The following C19orf18 variants were observed in gnomAD, a reference collection of about 807,000 sequenced individuals.
The protein encoded by C19orf18 is uncharacterized protein C19orf18.
C19orf18 carries 21 observed loss-of-function variants against 23.3 expected under a neutral mutation model. The ratio of observed to expected loss-of-function variants is 0.90; its 90% CI spans 0.64 to 1.30. The LOEUF (loss-of-function observed/expected upper bound fraction) is 1.30, where lower values mean the gene tolerates loss of function less well. Ranked by LOEUF, C19orf18 falls within the 50% of genes most tolerant of loss-of-function variation. The probability of loss-of-function intolerance (pLI) is 0.00; values close to 1 mark genes in which losing one functional copy is unlikely to be tolerated. For missense variants in C19orf18, 249 were observed against 259.6 expected (o/e 0.96, Z 0.28); for synonymous variants, 96 against 95.2 (o/e 1.01, Z -0.05).
chr19:57,963,859 C>T (rs547980361), intron 4 of C19orf18, among the ~76,000 whole-genome samples: 4 of 152,230 alleles, frequency 2.6e-5, no homozygotes, highest in Non-Finnish European at 5.9e-5. Flanking sequence ...CACTGCACTC[C>T]AGCCTGGGCA....
chr19:57,971,767 G>A (rs771076062), intron 3 of C19orf18, among the ~76,000 whole-genome samples: 7 of 152,040 alleles, frequency 4.6e-5, no homozygotes, highest in African/African-American at 9.7e-5. Flanking sequence ...CACCGCACCC[G>A]GCCCAGAATA....
At chr19:57,962,031 T>C (rs1248903508) in intron 4 of C19orf18, among the ~76,000 whole-genome samples, 1 of 150,920 alleles carries the variant, frequency 6.6e-6, no homozygotes, top group African/African-American at 2.4e-5. Flanking sequence ...TCTCTTTCTC[T>C]CTCTCTTTCT....
chr19:57,962,674 G>T (rs1358005572), intron 4 of C19orf18, among the ~76,000 whole-genome samples: 1 of 152,094 alleles, frequency 6.6e-6, no homozygotes, highest in African/African-American at 2.4e-5. Flanking sequence ...TGACCAACAT[G>T]GAGAAACCCC....
chr19:57,973,955 T>C lies in C19orf18; in HGVS notation c.226+144A>G, dbSNP rs2072965128. The C allele has an allele frequency of 3.9e-6, 3 of 768,036 alleles. No individual in the cohort carries two copies. In the Admixed American group the frequency reaches 8.7e-5, roughly 22 times the overall value. The allele number at this position is 768,036 out of a possible 1,614,324, so 47.6% of individuals were successfully genotyped here. A position where few individuals can be genotyped will look rare whatever the true frequency, so the allele number is the denominator to read the frequency against. On this transcript the variant is annotated intron_variant, in intron 2 of 5. Transcript: ENST00000314391. Reference sequence around the variant, plus strand: ...AACAGAGAGTGAAGAGCATAAGATCTAATTTCCAAGCAAATGTTTATCTAA... The same window carrying C: ...AACAGAGAGTGAAGAGCATAAGATCCAATTTCCAAGCAAATGTTTATCTAA...
chr19:57,966,308 A>T (rs534821373), intron 4 of C19orf18, among the ~76,000 whole-genome samples: 140 of 152,202 alleles, frequency 9.2e-4, no homozygotes, highest in African/African-American at 3.1e-3. Context: ...ATTCTGCTGA[A>T]TTGTATTCTG....
At chr19:57,962,028 C>A in intron 4 of C19orf18, among the ~76,000 whole-genome samples, 1 of 147,866 alleles carries the variant, frequency 6.8e-6, no homozygotes, top group Non-Finnish European at 1.5e-5. Flanking sequence ...CTTTCTCTTT[C>A]TCTCTCTCTT....
rs560735452 is a variant in C19orf18, at chr19:57,974,195, G to A, written c.130C>T (p.Arg44Trp). 1.1e-5 allele frequency: 17 copies of A among 1,613,938 alleles called. No individual in the cohort carries two copies. In the African/African-American group the frequency reaches 1.3e-4, roughly 13 times the overall value. The change falls in exon 2 of 6, where the codon CGG becomes TGG. Residue 44 changes from arginine (R) to tryptophan (W), a missense_variant. By Grantham distance (101) the Arg-to-Trp change is moderately radical (BLOSUM62 -3). Coordinates refer to ENST00000314391, the MANE Select transcript of C19orf18 (RefSeq NM_152474.5). ...GNITGLPGSKRSQPPRNITKE... is the reference protein window; with the variant it reads ...GNITGLPGSKWSQPPRNITKE... Reference sequence around the variant, plus strand: ...GTGATGTTTCTGGGTGGTTGTGACCGTTTACTGCCTTGAAAAGAAAACTTT... The same window carrying A: ...GTGATGTTTCTGGGTGGTTGTGACCATTTACTGCCTTGAAAAGAAAACTTT...
intron 5 of C19orf18, among the ~76,000 whole-genome samples, chr19:57,959,401 T>C (rs1271644156): frequency 6.6e-6 from 1 of 152,004 alleles, no homozygotes; most frequent in Non-Finnish European, 1.5e-5. Flanking sequence ...ACAGGGCGGA[T>C]CACTTGAAGT....
chr19:57,974,108 T>C lies in C19orf18; in HGVS notation c.217A>G (p.Arg73Gly). 6.2e-7 allele frequency: 1 copy of C among 1,614,008 alleles called. No individual in the cohort carries two copies. The highest frequency in any genetic ancestry group is 8.5e-7 in the Non-Finnish European group (1 of 1,179,872). ...QLPGIQGAASRSTAASPTNPM... is the reference protein window; with the variant it reads ...QLPGIQGAASGSTAASPTNPM... Reference sequence around the variant, plus strand: ...GAATTCAATGACTCACCCGTGGATCTCGAGGCAGCCCCTTGAATCCCAGGC... The same window carrying C: ...GAATTCAATGACTCACCCGTGGATCCCGAGGCAGCCCCTTGAATCCCAGGC... Residue 73 changes from arginine (R) to glycine (G), a missense_variant, in exon 2 of 6, where the codon AGA becomes GGA. Arg to Gly is a moderately radical substitution (Grantham distance 125, BLOSUM62 -2). Coordinates refer to ENST00000314391, the MANE Select transcript of C19orf18 (RefSeq NM_152474.5).
At chr19:57,971,924 C>T (rs545024291) in intron 3 of C19orf18, among the ~76,000 whole-genome samples, 9 of 152,256 alleles carry the variant, frequency 5.9e-5, no homozygotes, top group African/African-American at 1.7e-4. Flanking sequence ...TCTCACTCAG[C>T]ATATGTGATT....
chr19:57,961,333 C>A, intron 5 of C19orf18, 58 bp downstream of exon 5: 3 of 1,476,190 alleles, frequency 2.0e-6, no homozygotes, highest in South Asian at 1.4e-5. Context: ...AGAAAAGAAA[C>A]GCAAGCTGCC....
intron 3 of C19orf18, among the ~76,000 whole-genome samples, chr19:57,966,995 A>C (rs544196624): frequency 3.2e-4 from 48 of 151,952 alleles, no homozygotes; most frequent in African/African-American, 1.2e-3. Context: ...TAGGACTCTT[A>C]ATTTTAGAAA....
intron 5 of C19orf18, among the ~76,000 whole-genome samples, chr19:57,961,016 A>G (rs977035073): frequency 2.0e-5 from 3 of 152,076 alleles, no homozygotes; most frequent in African/African-American, 7.2e-5. Context: ...TATAGTGGTG[A>G]GCATAGCTGC....
chr19:57,973,463 T>C (rs969113836), intron 2 of C19orf18, among the ~76,000 whole-genome samples: 3 of 152,066 alleles, frequency 2.0e-5, no homozygotes, highest in East Asian at 1.9e-4. Context: ...TGGTGGCTCA[T>C]GCCTGTAATC....
chr19:57,973,019 G>A (rs1015367944), intron 2 of C19orf18, among the ~76,000 whole-genome samples: 6 of 151,210 alleles, frequency 4.0e-5, no homozygotes, highest in South Asian at 2.1e-4. Context: ...ATGGTGGCAC[G>A]CGCCTGTAGT....
intron 5 of C19orf18, among the ~76,000 whole-genome samples, chr19:57,960,700 GAA>G (rs1265389221): frequency 1.3e-5 from 2 of 152,150 alleles, no homozygotes; most frequent in Non-Finnish European, 2.9e-5. Context: ...TTTGTGCTGG[GAA>G]AAGTTTGTTT....
chr19:57,960,809 T>C (rs141265269), intron 5 of C19orf18, among the ~76,000 whole-genome samples: 55 of 152,340 alleles, frequency 3.6e-4, no homozygotes, highest in African/African-American at 1.3e-3. Context: ...GAAAGGTTCA[T>C]TTCCGTAAGT....
chr19:57,966,374 A>G (rs1158214468), intron 4 of C19orf18, among the ~76,000 whole-genome samples, 156 bp downstream of exon 4: 2 of 152,136 alleles, frequency 1.3e-5, no homozygotes, highest in African/African-American at 4.8e-5. Context: ...CATGAGTACA[A>G]TCCACATGTT....
intron 3 of C19orf18, among the ~76,000 whole-genome samples, chr19:57,969,412 G>T (rs988019287): frequency 6.6e-6 from 1 of 150,974 alleles, no homozygotes; most frequent in Non-Finnish European, 1.5e-5. Flanking sequence ...AAAATTAGCC[G>T]GGTGTGGTGG....
Sources: allele counts gnomAD v4.1 joint callset (sites outside exome capture counted in the v4.1 genomes callset), GRCh38; gene constraint gnomAD v4.1.1; transcripts MANE v1.5; gene names NCBI Gene and HGNC (gene_info 2026-07-23, HGNC 2026-07-21).